EPM2A: variants seen among roughly 807,000 people sequenced by gnomAD.
The protein encoded by EPM2A is laforin.
A neutral mutation model predicts 26.5 loss-of-function variants in EPM2A; 21 were observed. The observed-to-expected ratio is 0.79, with a 90% CI of 0.56 to 1.14. EPM2A has a LOEUF of 1.14. Among genes scored for constraint, EPM2A ranks in the 50% most tolerant of loss-of-function variants. The probability of loss-of-function intolerance (pLI) is 0.00; values close to 1 mark genes in which losing one functional copy is unlikely to be tolerated. For synonymous variants in EPM2A, 217 were observed against 177.6 expected, an observed-to-expected ratio of 1.22 and a Z score of -1.76; for missense variants, 458 against 440.8, an observed-to-expected ratio of 1.04 and a Z score of -0.35.
At chr6:145,679,087 C>G (rs1284740749) in intron 2 of EPM2A, among the ~76,000 whole-genome samples, 2 of 152,118 alleles carry the variant, frequency 1.3e-5, no homozygotes, top group African/African-American at 4.8e-5. Flanking sequence ...AGGATGAGTT[C>G]ATGTCCTTTG....
intron 2 of EPM2A, among the ~76,000 whole-genome samples, chr6:145,532,401 A>G (rs1372732297): frequency 1.3e-5 from 2 of 152,210 alleles, no homozygotes; most frequent in East Asian, 3.9e-4. Flanking sequence ...GAGCAGATAC[A>G]TAGGAATGTA....
rs535638771 is a variant in EPM2A at position 145,626,846 on chromosome 6, T to C, written c.*570A>G. 21 of 988,650 alleles carry C rather than the reference T, an allele frequency of 2.1e-5. 1 individual carries two copies. The South Asian group carries it at 2.3e-4, about 11-fold the overall frequency. 61.2% of individuals were successfully genotyped at this position (988,650 alleles called of 1,614,324 possible). A position where few individuals can be genotyped will look rare whatever the true frequency, so the allele number is the denominator to read the frequency against. ...AGGGTTGTTGGGTAGAGAAGGAAGG[T>C]GATGCCTTGGAACAGACTTTAACAA... On this transcript the variant is annotated 3_prime_UTR_variant, in exon 4 of 4. Transcript: ENST00000367519.
At chr6:145,550,972 G>C (rs1780647324) in intron 2 of EPM2A, among the ~76,000 whole-genome samples, 1 of 151,958 alleles carries the variant, frequency 6.6e-6, no homozygotes, top group Non-Finnish European at 1.5e-5. Flanking sequence ...ACTGTGCAGT[G>C]CTCCTAACCC....
intron 2 of EPM2A, among the ~76,000 whole-genome samples, chr6:145,590,885 TAGCATCGA>T (rs1207442283): frequency 6.6e-6 from 1 of 152,124 alleles, no homozygotes. Context: ...AAGTTTAACC[TAGCATCGA>T]AGCCAGACTA....
intron 4 of EPM2A, among the ~76,000 whole-genome samples, chr6:145,471,476 G>A (rs1779472333): frequency 6.6e-6 from 1 of 152,062 alleles, no homozygotes; most frequent in African/African-American, 2.4e-5. Context: ...ATAGAACCTG[G>A]CTTTCACTTC....
At chr6:145,572,467 C>T (rs2092295) in intron 2 of EPM2A, among the ~76,000 whole-genome samples, 65,256 of 151,892 alleles carry the variant, frequency 0.43, 14,577 homozygotes, top group African/African-American at 0.52. Flanking sequence ...CTGCTGTGCA[C>T]GACCCACTTT....
intron 4 of EPM2A, among the ~76,000 whole-genome samples, chr6:145,472,142 T>C (rs144234193): frequency 6.6e-6 from 1 of 151,554 alleles, no homozygotes; most frequent in Non-Finnish European, 1.5e-5. Context: ...ACAGATGACA[T>C]TTCTAGACAT....
intron 2 of EPM2A, among the ~76,000 whole-genome samples, chr6:145,570,455 A>G (rs1780939515): frequency 6.6e-6 from 1 of 152,260 alleles, no homozygotes; most frequent in African/African-American, 2.4e-5. Flanking sequence ...AATAAATCTT[A>G]TGTCACATGA....
chr6:145,579,895 C>CTAACATA (rs1781089577), intron 2 of EPM2A, among the ~76,000 whole-genome samples: 1 of 151,974 alleles, frequency 6.6e-6, no homozygotes, highest in African/African-American at 2.4e-5. Context: ...TTAGTTATCT[C>CTAACATA]TAACATATAA....
downstream of EPM2A, among the ~76,000 whole-genome samples, chr6:145,622,093 A>T (rs879528728): frequency 1.3e-5 from 2 of 152,156 alleles, no homozygotes; most frequent in Non-Finnish European, 2.9e-5. Flanking sequence ...CTTAAGTCTT[A>T]ACCTATTTTG....
At chr6:145,589,606 A>G (rs987339315) in intron 2 of EPM2A, among the ~76,000 whole-genome samples, 3 of 152,210 alleles carry the variant, frequency 2.0e-5, no homozygotes, top group Non-Finnish European at 4.4e-5. Context: ...TTTAAAAACT[A>G]GTGAAGGGTC....
chr6:145,692,691 T>C (rs946889527), intron 1 of EPM2A, among the ~76,000 whole-genome samples: 1 of 152,090 alleles, frequency 6.6e-6, no homozygotes, highest in Non-Finnish European at 1.5e-5. Context: ...CCCCATTGCT[T>C]ATTTTTGTTA....
chr6:145,387,026 A>T (rs1188312500), intron 4 of EPM2A, among the ~76,000 whole-genome samples: 1 of 152,108 alleles, frequency 6.6e-6, no homozygotes, highest in Non-Finnish European at 1.5e-5. Context: ...TCAGATACCC[A>T]CTTGTTTTGG....
At chr6:145,410,378 G>A (rs1037146281) in intron 4 of EPM2A, among the ~76,000 whole-genome samples, 3 of 152,144 alleles carry the variant, frequency 2.0e-5, no homozygotes, top group African/African-American at 7.2e-5. Context: ...ACTAATGAGA[G>A]GTTTGAGGGC....
intron 4 of EPM2A, among the ~76,000 whole-genome samples, chr6:145,399,076 C>A (rs368898857): frequency 3.3e-5 from 5 of 152,102 alleles, no homozygotes; most frequent in African/African-American, 1.2e-4. Context: ...AGACAGATAA[C>A]ACATTCTAGA....
intron 2 of EPM2A, among the ~76,000 whole-genome samples, chr6:145,571,889 G>A (rs908123072): frequency 4.6e-5 from 7 of 152,172 alleles, no homozygotes; most frequent in Non-Finnish European, 8.8e-5. Flanking sequence ...CTCCTCTGCT[G>A]AGGTCACCTA....
rs765820100 is a variant in EPM2A at position 145,627,598 on chromosome 6, G to A, written c.814C>T (p.Arg272Cys). The part of the protein sequence containing the change: ...VYVHCNAGVG[R>C]STAAVCGWLQ... ...CAGCCGCAGACAGCCGCGGTGGAGCGGCCCACCCCAGCGTTGCAGTGCACG... is the reference window on the plus strand; with the variant it reads ...CAGCCGCAGACAGCCGCGGTGGAGCAGCCCACCCCAGCGTTGCAGTGCACG... Residue 272 changes from arginine to cysteine, a missense_variant, in exon 4 of 4, where the codon CGC (arginine) becomes TGC (cysteine). By Grantham distance (180) the Arg-to-Cys change is radical. Transcript: ENST00000367519. 31 of 1,614,226 alleles carry A rather than the reference G, an allele frequency of 1.9e-5. No individual in the cohort carries two copies. The highest frequency in any genetic ancestry group is 2.4e-5 in the Non-Finnish European group (28 of 1,180,042).
chr6:145,434,266 CTTT>C (rs1202125248), intron 4 of EPM2A, among the ~76,000 whole-genome samples: 1 of 141,224 alleles, frequency 7.1e-6, no homozygotes, highest in African/African-American at 2.6e-5. Context: ...CTCTCTCTCT[CTTT>C]TTTTTTTTTT....
At chr6:145,657,155 C>T (rs1242018444) in intron 2 of EPM2A, among the ~76,000 whole-genome samples, 4 of 148,364 alleles carry the variant, frequency 2.7e-5, no homozygotes, top group African/African-American at 5.0e-5. Context: ...AGTGGCAGGA[C>T]CTCGGCTCAC....
Sources: gnomAD v4.1 joint callset for allele counts (sites outside exome capture counted in the v4.1 genomes callset) on GRCh38, gnomAD v4.1.1 for gene constraint, MANE v1.5 for transcripts, NCBI Gene and HGNC (gene_info 2026-07-23, HGNC 2026-07-21) for gene names.